UQCRC2: variants seen among roughly 807,000 people sequenced by gnomAD.
UQCRC2 encodes the protein ubiquinol-cytochrome c reductase core protein 2, also known as cytochrome b-c1 complex subunit 2, mitochondrial.
UQCRC2 carries 49 observed loss-of-function variants against 55.6 expected under a neutral mutation model. That is an observed-to-expected ratio of 0.88 (90% confidence interval 0.70 to 1.12). The LOEUF is 1.12. Among genes scored for constraint, UQCRC2 ranks in the 50% most tolerant of loss-of-function variants. The probability of loss-of-function intolerance (pLI) is 0.00; values close to 1 mark genes in which losing one functional copy is unlikely to be tolerated. For missense variants in UQCRC2, 506 were observed against 547.8 expected (o/e 0.92, Z 0.76); for synonymous variants, 193 against 192.0 (o/e 1.01, Z -0.04).
chr16:21,980,765 AG>A, intron 13 of UQCRC2, 65 bp downstream of exon 13: 1 of 1,576,336 alleles, frequency 6.3e-7, no homozygotes, highest in Non-Finnish European at 8.7e-7. Flanking sequence ...CAATTTCAGA[AG>A]GATGCATAAG....
At chr16:21,958,867 A>G (rs1299140334) in intron 4 of UQCRC2, among the ~76,000 whole-genome samples, 2 of 152,212 alleles carry the variant, frequency 1.3e-5, no homozygotes, top group Non-Finnish European at 2.9e-5. Flanking sequence ...TGAAGGGAAT[A>G]TTGCAGCAAA....
intron 3 of UQCRC2, among the ~76,000 whole-genome samples, chr16:21,957,960 A>T (rs1410872551): frequency 6.6e-6 from 1 of 152,232 alleles, no homozygotes; most frequent in Non-Finnish European, 1.5e-5. Context: ...TCCTCCTGAT[A>T]AGGATACCAG....
chr16:21,966,702 C>G (rs1898335954), intron 7 of UQCRC2, among the ~76,000 whole-genome samples: 1 of 152,184 alleles, frequency 6.6e-6, no homozygotes, highest in Non-Finnish European at 1.5e-5. Context: ...CTTGAACAGG[C>G]AGCCGTTTTC....
chr16:21,980,483 C>T (rs1898691345), intron 12 of UQCRC2, 64 bp from the exon 13 acceptor site: 1 of 1,564,506 alleles, frequency 6.4e-7, no homozygotes, highest in Admixed American at 1.9e-5. Flanking sequence ...CCCCCCGCCA[C>T]CACTCAGAAA....
chr16:21,978,508 G>A (rs968438033), intron 12 of UQCRC2, among the ~76,000 whole-genome samples: 5 of 152,108 alleles, frequency 3.3e-5, no homozygotes, highest in Admixed American at 2.6e-4. Flanking sequence ...GACCTGTACT[G>A]CCCTTCCCCA....
At chr16:21,972,963 G>A (rs903314815) in intron 10 of UQCRC2, among the ~76,000 whole-genome samples, 5 of 152,164 alleles carry the variant, frequency 3.3e-5, no homozygotes, top group African/African-American at 1.2e-4. Context: ...GTCTGGGCGT[G>A]GTGGCGCACG....
chr16:21,978,530 C>A (rs1898639435), intron 12 of UQCRC2, among the ~76,000 whole-genome samples: 1 of 152,130 alleles, frequency 6.6e-6, no homozygotes, highest in Admixed American at 6.5e-5. Flanking sequence ...CTGCCTTTTC[C>A]ATCATACCCT....
intron 13 of UQCRC2, 67 bp from the exon 14 acceptor site, chr16:21,983,011 TGACAAAATAA>T: frequency 7.7e-7 from 1 of 1,298,028 alleles, no homozygotes. Flanking sequence ...ATTCTTGAAA[TGACAAAATAA>T]GTTCGCCTGC....
chr16:21,968,830 A>C (rs1209009877), intron 8 of UQCRC2, 145 bp downstream of exon 8: 1 of 559,946 alleles, frequency 1.8e-6, no homozygotes, highest in Non-Finnish European at 2.9e-6. Flanking sequence ...ATAGGATTTT[A>C]ATTGCTAGTC....
At position 21,957,516 on chromosome 16, in the gene UQCRC2, G is replaced by T; in HGVS notation, c.217G>T (p.Asp73Tyr). The change falls in exon 3 of 14, where the codon GAC (aspartate) becomes TAC (tyrosine). Residue 73 changes from aspartate to tyrosine, a missense_variant. Transcript: ENST00000268379. ...LFIKAGSRYE[D>Y]FSNLGTTHLL... ...CATTAAAGCAGGCAGTAGATATGAGGACTTCAGCAATTTAGGAACCACCCA... is the reference window on the plus strand; with the variant it reads ...CATTAAAGCAGGCAGTAGATATGAGTACTTCAGCAATTTAGGAACCACCCA... 6.2e-7 allele frequency: 1 copy of T among 1,614,114 alleles called. No homozygotes were observed.
At chr16:21,955,281 G>A (rs1443742335) in intron 1 of UQCRC2, among the ~76,000 whole-genome samples, 4 of 152,136 alleles carry the variant, frequency 2.6e-5, no homozygotes, top group Non-Finnish European at 4.4e-5. Context: ...ATAAAGTAAA[G>A]CTAATTGTAA....
At chr16:21,966,049 C>A (rs1295835706) in intron 7 of UQCRC2, among the ~76,000 whole-genome samples, 4 of 151,272 alleles carry the variant, frequency 2.6e-5, no homozygotes, top group Admixed American at 6.6e-5. Flanking sequence ...CCCAGTGGCT[C>A]ATGCGTGTAA....
At chr16:21,976,560 TTA>T (rs1315161038) in intron 12 of UQCRC2, 16 of 241,082 alleles carry the variant, frequency 6.6e-5, no homozygotes, top group Admixed American at 2.6e-4. Context: ...AACATTTTTC[TTA>T]GTTTATTGAT....
intron 13 of UQCRC2, among the ~76,000 whole-genome samples, chr16:21,982,023 G>A (rs571750153): frequency 2.0e-5 from 3 of 151,674 alleles, no homozygotes; most frequent in African/African-American, 7.3e-5. Flanking sequence ...TGTATTTTTA[G>A]TAGAGACGGG....
At chr16:21,959,402 A>G (rs970911131) in intron 4 of UQCRC2, 4 of 267,264 alleles carry the variant, frequency 1.5e-5, no homozygotes, top group Non-Finnish European at 2.3e-5. Flanking sequence ...TTGCTCATCC[A>G]TAAGAAGCAT....
In UQCRC2 at chr16:21,964,684, C is replaced by T. The variant is rs1898283751; in HGVS notation, c.515-724C>T. The stretch of plus-strand genomic sequence containing the variant: ...ACATATTACTTGTATTAATTGTTTT[C>T]CAATTCCCACTGCCCTTGCCTTGTA... On this transcript the variant is annotated intron_variant, in intron 6 of 13. Coordinates refer to ENST00000268379, the MANE Select transcript of UQCRC2 (RefSeq NM_003366.4). Among the ~76,000 whole-genome samples the T allele has an allele frequency of 2.0e-5, 3 of 152,158 alleles. No individual in the cohort carries two copies. In the South Asian group the frequency reaches 6.2e-4, roughly 32 times the overall value.
chr16:21,965,285 C>A, intron 6 of UQCRC2, 123 bp from the exon 7 acceptor site: 1 of 770,440 alleles, frequency 1.3e-6, no homozygotes. Flanking sequence ...AATTTTAAGT[C>A]CTCTTAACAT....
intron 4 of UQCRC2, chr16:21,961,459 CTTT>C: frequency 4.2e-6 from 1 of 239,766 alleles, no homozygotes; most frequent in South Asian, 4.2e-5. Flanking sequence ...TTCAAGATTT[CTTT>C]AAGGTATTTT....
At position 21,962,859 on chromosome 16, in the gene UQCRC2, C is replaced by G; in HGVS notation, c.488C>G (p.Ala163Gly). The G allele has an allele frequency of 6.2e-7, 1 of 1,614,068 alleles. No individual in the cohort carries two copies. The highest frequency in any genetic ancestry group is 8.5e-7 in the Non-Finnish European group (1 of 1,180,006). Residue 163 changes from alanine (A) to glycine (G), a missense_variant, in exon 6 of 14, where the codon GCT (alanine) becomes GGT (glycine). Transcript: ENST00000268379. ...DLQPQLKIDK[A>G]VAFQNPQTHV... ...CAGCCTCAGCTAAAGATTGACAAAG[C>G]TGTGGCCTTTCAGAATCCGCAGACT... is the stretch of plus-strand genomic sequence containing the variant.
Sources: gnomAD v4.1 joint callset for allele counts (sites outside exome capture counted in the v4.1 genomes callset) on GRCh38, gnomAD v4.1.1 for gene constraint, MANE v1.5 for transcripts, NCBI Gene and HGNC (gene_info 2026-07-23, HGNC 2026-07-21) for gene names.